The following KAZN variants were observed in gnomAD, a reference collection of about 807,000 sequenced individuals.
KAZN encodes kazrin, periplakin interacting protein, also known as kazrin.
Under a neutral mutation model 87.4 loss-of-function variants are expected in KAZN, and 40 were observed. The observed-to-expected ratio is 0.46, with a 90% CI of 0.36 to 0.60. The LOEUF (loss-of-function observed/expected upper bound fraction) is 0.60. Among genes scored for constraint, KAZN ranks in the 20% least tolerant of loss-of-function variants. The probability of loss-of-function intolerance (pLI) is 0.00; values close to 1 mark genes in which losing one functional copy is unlikely to be tolerated. For missense variants in KAZN, 898 were observed against 1,073.9 expected, an observed-to-expected ratio of 0.84 and a Z score of 2.29; for synonymous variants, 466 against 458.3, an observed-to-expected ratio of 1.02 and a Z score of -0.22.
chr1:15,014,602 T>G (rs983253678), intron 2 of KAZN, among the ~76,000 whole-genome samples: 4 of 152,286 alleles, frequency 2.6e-5, no homozygotes, highest in Non-Finnish European at 4.4e-5. Context: ...GCTTCTTGTG[T>G]GGGAGAGCAT....
intron 2 of KAZN, among the ~76,000 whole-genome samples, chr1:14,332,943 C>T (rs1244445838): frequency 6.6e-6 from 1 of 152,098 alleles, no homozygotes; most frequent in Non-Finnish European, 1.5e-5. Context: ...CATAGGTAAA[C>T]GTGTGCCATG....
intron 2 of KAZN, among the ~76,000 whole-genome samples, chr1:14,382,321 CT>C (rs546859457): frequency 2.0e-5 from 3 of 151,904 alleles, no homozygotes; most frequent in Non-Finnish European, 2.9e-5. Flanking sequence ...AGAAACAATT[CT>C]TTTTTTTATT....
At chr1:14,757,071 C>G (rs998824606) in intron 1 of KAZN, among the ~76,000 whole-genome samples, 3 of 152,198 alleles carry the variant, frequency 2.0e-5, no homozygotes, top group African/African-American at 7.2e-5. Flanking sequence ...ACTTCAGCAT[C>G]CAAGCTCAGA....
At chr1:14,697,720 T>G (rs1641695189) in intron 1 of KAZN, among the ~76,000 whole-genome samples, 1 of 152,266 alleles carries the variant, frequency 6.6e-6, no homozygotes, top group African/African-American at 2.4e-5. Context: ...AGCTCTTTTT[T>G]GATAAAGGGA....
At chr1:14,413,607 A>C (rs1314995002) in intron 2 of KAZN, among the ~76,000 whole-genome samples, 27 of 150,172 alleles carry the variant, frequency 1.8e-4, no homozygotes, top group African/African-American at 5.9e-4. Context: ...AAAAAAAAAA[A>C]AAAAAAAAAA....
At chr1:14,248,853 T>C (rs1406903623) in intron 2 of KAZN, among the ~76,000 whole-genome samples, 6 of 152,172 alleles carry the variant, frequency 3.9e-5, no homozygotes, top group Admixed American at 3.9e-4. Flanking sequence ...TTCTACGTTG[T>C]TCATGGGGAC....
At chr1:14,523,479 A>T (rs972206260) in intron 2 of KAZN, among the ~76,000 whole-genome samples, 1 of 152,238 alleles carries the variant, frequency 6.6e-6, no homozygotes, top group East Asian at 1.9e-4. Context: ...AAGAAAAGCA[A>T]TGCCCAAATA....
At chr1:14,047,861 C>T (rs912743388) in intron 1 of KAZN, among the ~76,000 whole-genome samples, 1 of 134,844 alleles carries the variant, frequency 7.4e-6, no homozygotes, top group African/African-American at 2.8e-5. Context: ...GAGTGAGACT[C>T]GGGAAAAAGA....
chr1:13,948,956 A>G (rs1443814160), intron 1 of KAZN, among the ~76,000 whole-genome samples: 1 of 152,196 alleles, frequency 6.6e-6, no homozygotes, highest in Non-Finnish European at 1.5e-5. Context: ...ACTGGACTCA[A>G]GATGCATGAC....
At chr1:14,320,218 G>T (rs538059427) in intron 2 of KAZN, among the ~76,000 whole-genome samples, 1 of 152,086 alleles carries the variant, frequency 6.6e-6, no homozygotes. Flanking sequence ...GCAGGGAAGC[G>T]CAATATGTGA....
chr1:14,895,918 G>A (rs1048001730), intron 1 of KAZN, among the ~76,000 whole-genome samples: 1 of 152,298 alleles, frequency 6.6e-6, no homozygotes, highest in Admixed American at 6.5e-5. Context: ...GTAGTCAGGA[G>A]GGCTTCTCAG....
intron 1 of KAZN, among the ~76,000 whole-genome samples, chr1:13,897,596 A>T (rs1462966299): frequency 2.0e-5 from 3 of 151,890 alleles, no homozygotes; most frequent in South Asian, 2.1e-4. Context: ...TGCTAGACAA[A>T]CTCACATCTG....
At chr1:14,894,143 C>T (rs890279697) in intron 1 of KAZN, among the ~76,000 whole-genome samples, 1 of 152,066 alleles carries the variant, frequency 6.6e-6, no homozygotes, top group Admixed American at 6.6e-5. Flanking sequence ...CCTGCCATCA[C>T]GCCCATCTCC....
chr1:14,428,031 G>A (rs1665838085), intron 2 of KAZN, among the ~76,000 whole-genome samples: 1 of 152,192 alleles, frequency 6.6e-6, no homozygotes, highest in South Asian at 2.1e-4. Flanking sequence ...AAGTCTGAAT[G>A]AGGGCCCTGG....
intron 1 of KAZN, among the ~76,000 whole-genome samples, chr1:14,941,133 T>C (rs773024014): frequency 3.9e-5 from 6 of 152,094 alleles, no homozygotes; most frequent in Non-Finnish European, 7.4e-5. Context: ...TTGGCCAGGC[T>C]GGTCTCAAAC....
intron 2 of KAZN, among the ~76,000 whole-genome samples, chr1:14,965,333 A>G (rs1467731251): frequency 6.6e-6 from 1 of 152,266 alleles, no homozygotes; most frequent in South Asian, 2.1e-4. Context: ...CAATGGTATC[A>G]TCTTATGTAT....
At chr1:14,782,039 CCTGT>C (rs1385003587) in intron 1 of KAZN, among the ~76,000 whole-genome samples, 1 of 152,140 alleles carries the variant, frequency 6.6e-6, no homozygotes, top group Non-Finnish European at 1.5e-5. Context: ...AAGAATGGAA[CCTGT>C]CTGTCAGATC....
At chr1:14,601,683 C>T (rs1676993222) in intron 1 of KAZN, among the ~76,000 whole-genome samples, 1 of 152,208 alleles carries the variant, frequency 6.6e-6, no homozygotes, top group African/African-American at 2.4e-5. Context: ...GGCTCAGCTC[C>T]TCAGGGTTTC....
chr1:14,432,943 T>C (rs1333772917), intron 2 of KAZN, among the ~76,000 whole-genome samples: 1 of 152,162 alleles, frequency 6.6e-6, no homozygotes, highest in East Asian at 1.9e-4. Context: ...ATGGTGTATA[T>C]GTGTGGCTGT....
Sources: allele counts gnomAD v4.1 joint callset (sites outside exome capture counted in the v4.1 genomes callset), GRCh38; gene constraint gnomAD v4.1.1; transcripts MANE v1.5; gene names NCBI Gene and HGNC (gene_info 2026-07-23, HGNC 2026-07-21).